Variants in KPNA3 observed in about 807,000 individuals in gnomAD.
The protein encoded by KPNA3 is karyopherin subunit alpha 3.
In KPNA3, 13 loss-of-function variants were observed where a neutral mutation model predicts 73.8. That is an observed-to-expected ratio of 0.18 (90% CI 0.11 to 0.28). The LOEUF (loss-of-function observed/expected upper bound fraction) is 0.28. KPNA3 is among the 10% of genes least tolerant of loss of function. The pLI is 1.00. For synonymous variants in KPNA3, 186 were observed against 206.9 expected (o/e 0.90, Z 0.87); for missense variants, 360 against 618.1 (o/e 0.58, Z 4.43).
chr13:49,734,124 T>G (rs1400831157), intron 2 of KPNA3, among the ~76,000 whole-genome samples: 10 of 152,232 alleles, frequency 6.6e-5, no homozygotes, highest in Admixed American at 6.5e-4. Context: ...CCTGGTATTT[T>G]GTTGTTGTTC....
chr13:49,751,727 A>G (rs1954664947), intron 1 of KPNA3, among the ~76,000 whole-genome samples: 1 of 152,160 alleles, frequency 6.6e-6, no homozygotes, highest in Non-Finnish European at 1.5e-5. Context: ...TGTGCAACAC[A>G]GTGAGACCTG....
chr13:49,723,179 T>C (rs140726960), intron 7 of KPNA3, among the ~76,000 whole-genome samples: 15 of 152,284 alleles, frequency 9.9e-5, no homozygotes, highest in Non-Finnish European at 1.9e-4. Flanking sequence ...ATAATTACAA[T>C]AAATTTACAT....
chr13:49,756,616 C>T (rs1467722171), intron 1 of KPNA3, among the ~76,000 whole-genome samples: 1 of 152,152 alleles, frequency 6.6e-6, no homozygotes, highest in African/African-American at 2.4e-5. Flanking sequence ...GTAGACTCAA[C>T]TTGGTAAAGA....
rs770519769 is a variant in KPNA3, at chr13:49,792,485, C to T, written c.22G>A (p.Glu8Lys). 3 of 1,583,976 alleles carry T rather than the reference C, an allele frequency of 1.9e-6. No individual in the cohort carries two copies. The highest frequency in any genetic ancestry group is 1.1e-5 in the South Asian group (1 of 88,190). MAENPSL[E>K]NHRIKSFKNK... ...TTGAAGCTCTTGATGCGGTGGTTCTCCAAGCTGGGGTTCTCGGCCATGGCT... is the reference window on the plus strand; with the variant it reads ...TTGAAGCTCTTGATGCGGTGGTTCTTCAAGCTGGGGTTCTCGGCCATGGCT... The change falls in exon 1 of 17, where the codon GAG (glutamate) becomes AAG (lysine). Residue 8 changes from glutamate to lysine, a missense_variant. Physicochemically the swap from Glu to Lys is moderately conservative, Grantham distance 56. Transcript: ENST00000261667.
At chr13:49,734,095 T>G (rs990419996) in intron 2 of KPNA3, among the ~76,000 whole-genome samples, 2 of 152,250 alleles carry the variant, frequency 1.3e-5, no homozygotes, top group Non-Finnish European at 2.9e-5. Context: ...GTATTTAAAT[T>G]AATAAGACTT....
chr13:49,763,412 A>G (rs755556379), intron 1 of KPNA3, among the ~76,000 whole-genome samples: 14 of 152,200 alleles, frequency 9.2e-5, no homozygotes, highest in Non-Finnish European at 7.3e-5. Context: ...GGTAAGAAAC[A>G]TAAAGGATAC....
intron 8 of KPNA3, 21 bp from the exon 9 acceptor site, chr13:49,722,145 T>A: frequency 6.8e-7 from 1 of 1,476,774 alleles, no homozygotes; most frequent in Admixed American, 2.3e-5. Context: ...GAAAATTATA[T>A]TTAAAAAAAA....
At chr13:49,771,649 A>G (rs1395853646) in intron 1 of KPNA3, among the ~76,000 whole-genome samples, 3 of 152,046 alleles carry the variant, frequency 2.0e-5, no homozygotes, top group African/African-American at 7.2e-5. Context: ...TTTTTGAGAC[A>G]GGGTCTCACT....
rs1954622459 is a variant in KPNA3 at position 49,746,997 on chromosome 13, G to A, written c.70-4C>T. The A allele has an allele frequency of 6.2e-7, 1 of 1,604,426 alleles. No homozygotes were observed. The highest frequency in any genetic ancestry group is 1.3e-5 in the African/African-American group (1 of 74,834). ...CATTTCTATGTCTTCGCATTGTCTAGAAAAGAAAAACAAAGATTACAGATG... is the reference window on the plus strand; with the variant it reads ...CATTTCTATGTCTTCGCATTGTCTAAAAAAGAAAAACAAAGATTACAGATG... On this transcript the variant is annotated splice_region_variant and splice_polypyrimidine_tract_variant and intron_variant, in intron 1 of 16. Transcript: ENST00000261667.
intron 1 of KPNA3, among the ~76,000 whole-genome samples, chr13:49,778,755 G>T (rs1954917771): frequency 6.6e-6 from 1 of 152,050 alleles, no homozygotes; most frequent in Admixed American, 6.6e-5. Context: ...CTACGGTTGT[G>T]AACCACCATG....
chr13:49,790,166 G>GT (rs1955020778), intron 1 of KPNA3, among the ~76,000 whole-genome samples: 1 of 152,140 alleles, frequency 6.6e-6, no homozygotes, highest in Non-Finnish European at 1.5e-5. Flanking sequence ...GCACACTGAG[G>GT]TTTTTTATCT....
intron 15 of KPNA3, among the ~76,000 whole-genome samples, chr13:49,703,460 G>T (rs984903107): frequency 6.6e-6 from 1 of 152,178 alleles, no homozygotes; most frequent in East Asian, 1.9e-4. Context: ...GATTACAGGA[G>T]TGAGCCACTG....
At chr13:49,702,008 C>A (rs1266680677) in intron 16 of KPNA3, 110 bp from the exon 17 acceptor site, 6 of 674,724 alleles carry the variant, frequency 8.9e-6, no homozygotes, top group African/African-American at 5.5e-5. Flanking sequence ...AATGCTTTAA[C>A]CAACTAAAAA....
intron 1 of KPNA3, among the ~76,000 whole-genome samples, chr13:49,771,828 A>ATT (rs139849301): frequency 1.3e-5 from 2 of 151,688 alleles, no homozygotes; most frequent in African/African-American, 4.8e-5. Flanking sequence ...TAATTTTGGT[A>ATT]TTTTTTTTGT....
At chr13:49,782,588 TACTA>T (rs1240011692) in intron 1 of KPNA3, among the ~76,000 whole-genome samples, 2 of 152,042 alleles carry the variant, frequency 1.3e-5, no homozygotes, top group Non-Finnish European at 2.9e-5. Flanking sequence ...ATGTAGAAAA[TACTA>T]AATAGGCTGC....
At chr13:49,758,116 A>G (rs138712813) in intron 1 of KPNA3, among the ~76,000 whole-genome samples, 5 of 152,314 alleles carry the variant, frequency 3.3e-5, no homozygotes, top group African/African-American at 1.2e-4. Flanking sequence ...TAACTAAGAA[A>G]GAGAGGACTA....
rs762012803 is a variant in KPNA3 at position 49,706,110 on chromosome 13, G to A, written c.1197C>T (p.Gly399=). The part of the protein sequence containing the change: ...AWAISNLTIS[G]RKDQVEYLVQ... ...TTTTCAAACTCACCTGATCTTTTCT[G>A]CCACTTATTGTTAAGTTGCTGATTG... Residue 399 remains glycine (G), a synonymous_variant, in exon 14 of 17, where the codon GGC becomes GGT. Coordinates refer to ENST00000261667, the MANE Select transcript of KPNA3 (RefSeq NM_002267.4). 2 of 1,613,466 alleles carry A rather than the reference G, an allele frequency of 1.2e-6. No homozygotes were observed. Among genetic ancestry groups the A allele is most frequent in the South Asian group, 1.1e-5 (1 of 90,872 alleles).
chr13:49,715,249 G>A (rs756669016), intron 10 of KPNA3, among the ~76,000 whole-genome samples: 2 of 151,746 alleles, frequency 1.3e-5, no homozygotes, highest in Non-Finnish European at 2.9e-5. Context: ...GACAAACTAG[G>A]GAAGTATTTT....
intron 1 of KPNA3, among the ~76,000 whole-genome samples, chr13:49,779,343 T>A (rs1285630361): frequency 6.6e-6 from 1 of 152,196 alleles, no homozygotes. Flanking sequence ...AGACCCTTCA[T>A]TCTCTATAGT....
Sources: allele counts gnomAD v4.1 joint callset (sites outside exome capture counted in the v4.1 genomes callset), GRCh38; gene constraint gnomAD v4.1.1; transcripts MANE v1.5; gene names NCBI Gene and HGNC (gene_info 2026-07-23, HGNC 2026-07-21).